Variants in ADAMTS19 observed in about 807,000 individuals in gnomAD.
The protein encoded by ADAMTS19 is A disintegrin and metalloproteinase with thrombospondin motifs 19.
A neutral mutation model predicts 153.3 loss-of-function variants in ADAMTS19; 93 were observed. The observed-to-expected ratio is 0.61, with a 90% CI of 0.51 to 0.72. The LOEUF is 0.72. Ranked by LOEUF, ADAMTS19 falls within the 30% of genes least tolerant of loss-of-function variation. The pLI is 0.00. For missense variants in ADAMTS19, 1,482 were observed against 1,552.1 expected, an observed-to-expected ratio of 0.95 and a Z score of 0.76; for synonymous variants, 600 against 556.6, an observed-to-expected ratio of 1.08 and a Z score of -1.10.
rs531326571 is a variant in ADAMTS19 at position 129,486,382 on chromosome 5, C to T, written c.748-22695C>T. ...CCAGCAGTAGATAAAAAGAATAATA[C>T]ATTATGACAAAAAAAGAGTTTATCC... On this transcript the variant is annotated intron_variant, in intron 2 of 22. Transcript: ENST00000274487. Among the ~76,000 whole-genome samples, 8 of 152,082 alleles carry T rather than the reference C, an allele frequency of 5.3e-5. No homozygotes were observed. The South Asian group carries it at 1.5e-3, about 28-fold the overall frequency.
intron 2 of ADAMTS19, among the ~76,000 whole-genome samples, chr5:129,489,247 T>A (rs1750690439): frequency 6.6e-6 from 1 of 152,158 alleles, no homozygotes; most frequent in South Asian, 2.1e-4. Context: ...TGATGAGAAC[T>A]TTTTATAGAT....
At chr5:129,602,374 C>T (rs1223145718) in intron 8 of ADAMTS19, among the ~76,000 whole-genome samples, 2 of 152,104 alleles carry the variant, frequency 1.3e-5, no homozygotes, top group African/African-American at 2.4e-5. Flanking sequence ...TACAGCACTT[C>T]GCACCCGGCC....
At chr5:129,591,283 T>A (rs2126907970) in intron 7 of ADAMTS19, among the ~76,000 whole-genome samples, 1 of 151,950 alleles carries the variant, frequency 6.6e-6, no homozygotes, top group South Asian at 2.1e-4. Flanking sequence ...AATGAGCATT[T>A]TAAAATTACA....
At chr5:129,576,319 T>C (rs953901147) in intron 7 of ADAMTS19, among the ~76,000 whole-genome samples, 1 of 152,054 alleles carries the variant, frequency 6.6e-6, no homozygotes. Context: ...TAATATTTTA[T>C]ATAAAAGCTT....
At position 129,647,941 on chromosome 5, in the gene ADAMTS19, G is replaced by A. The variant is rs201806642; in HGVS notation, c.2003+46G>A. 2.5e-6 allele frequency: 4 copies of A among 1,578,842 alleles called. No individual in the cohort carries two copies. In the African/African-American group the frequency reaches 5.4e-5, roughly 21 times the overall value. On this transcript the variant is annotated intron_variant, in intron 12 of 22. Transcript: ENST00000274487. ...TGGGGGAGGGCACTTTTCAATTTTG[G>A]AATGCAAAGGTTTTACTGATAAAGC...
At chr5:129,563,039 T>C (rs1365669392) in intron 7 of ADAMTS19, among the ~76,000 whole-genome samples, 1 of 152,166 alleles carries the variant, frequency 6.6e-6, no homozygotes. Context: ...CTAAAACATA[T>C]TTAAATAGCC....
intron 19 of ADAMTS19, among the ~76,000 whole-genome samples, chr5:129,697,096 G>T (rs964159275): frequency 6.6e-6 from 1 of 152,112 alleles, no homozygotes; most frequent in African/African-American, 2.4e-5. Context: ...TTTCTTTGAG[G>T]GCCCTGCTGT....
intron 21 of ADAMTS19, among the ~76,000 whole-genome samples, chr5:129,733,106 A>G (rs2127223470): frequency 6.6e-6 from 1 of 152,240 alleles, no homozygotes; most frequent in African/African-American, 2.4e-5. Flanking sequence ...GGATAGCCAT[A>G]TGCAGAACAA....
At chr5:129,517,499 A>G (rs1227105993) in intron 3 of ADAMTS19, among the ~76,000 whole-genome samples, 3 of 151,792 alleles carry the variant, frequency 2.0e-5, no homozygotes, top group South Asian at 2.1e-4. Flanking sequence ...TAAAATTGTT[A>G]TATCCTCTTG....
In ADAMTS19 at chr5:129,533,900, C is replaced by T. The variant is rs538507142; in HGVS notation, c.1328+5223C>T. Among the ~76,000 whole-genome samples the T allele has an allele frequency of 1.1e-4, 16 of 151,898 alleles. No individual in the cohort carries two copies. In the East Asian group the frequency reaches 2.5e-3, roughly 24 times the overall value. On this transcript the variant is annotated intron_variant, in intron 6 of 22. Transcript: ENST00000274487. Reference sequence around the variant, plus strand: ...GTTGTTCAGTTTCCATGTAGTTGAGCGGTTTTTGAGTGAGTTTCTTAATCC... The same window carrying T: ...GTTGTTCAGTTTCCATGTAGTTGAGTGGTTTTTGAGTGAGTTTCTTAATCC...
At chr5:129,522,334 T>TACAC (rs1561549642) in intron 3 of ADAMTS19, among the ~76,000 whole-genome samples, 2 of 80,278 alleles carry the variant, frequency 2.5e-5, no homozygotes, top group Non-Finnish European at 4.9e-5. Context: ...CACACACACA[T>TACAC]ATATATATAT....
chr5:129,495,746 T>C (rs940196191), intron 2 of ADAMTS19, among the ~76,000 whole-genome samples: 5 of 152,098 alleles, frequency 3.3e-5, no homozygotes, highest in African/African-American at 1.2e-4. Flanking sequence ...CTGTTTATAA[T>C]TGTCTTTCTT....
At position 129,721,324 on chromosome 5, in the gene ADAMTS19, T is replaced by C. The variant is rs551815272; in HGVS notation, c.3313-13608T>C. ...TTTAGCAACAGAGTACTTTCATGTC[T>C]TCTGTGTAGCATTTGACCCATCAAA... is the stretch of plus-strand genomic sequence containing the variant. On this transcript the variant is annotated intron_variant, in intron 21 of 22. Transcript: ENST00000274487. 3.4e-4 allele frequency among the ~76,000 whole-genome samples: 52 copies of C among 152,332 alleles called. No homozygotes were observed. The South Asian group carries it at 8.5e-3, about 25-fold the overall frequency.
chr5:129,635,801 C>T (rs575190851), intron 10 of ADAMTS19, among the ~76,000 whole-genome samples: 22 of 152,210 alleles, frequency 1.4e-4, no homozygotes, highest in African/African-American at 5.1e-4. Context: ...GGCTTACTAC[C>T]TAGGTGATGA....
At chr5:129,658,851 G>C in intron 15 of ADAMTS19, 114 bp downstream of exon 15, 1 of 1,140,020 alleles carries the variant, frequency 8.8e-7, no homozygotes, top group South Asian at 2.0e-5. Context: ...GACTTGCAAT[G>C]GGTATTAAAT....
chr5:129,598,730 A>G (rs376104960), intron 8 of ADAMTS19, among the ~76,000 whole-genome samples: 3 of 152,320 alleles, frequency 2.0e-5, no homozygotes, highest in African/African-American at 2.4e-5. Context: ...GTAATTTTCA[A>G]GTAATTGATT....
chr5:129,529,378 C>A (rs1752121904), intron 6 of ADAMTS19, among the ~76,000 whole-genome samples: 1 of 152,044 alleles, frequency 6.6e-6, no homozygotes, highest in Non-Finnish European at 1.5e-5. Flanking sequence ...GAAATGAAAT[C>A]ATTGAAATCA....
chr5:129,504,000 C>T (rs906069593), intron 2 of ADAMTS19, among the ~76,000 whole-genome samples: 1 of 152,130 alleles, frequency 6.6e-6, no homozygotes, highest in African/African-American at 2.4e-5. Context: ...CTCGGATGTA[C>T]TTTATATTGG....
At chr5:129,601,494 T>C (rs1228863714) in intron 8 of ADAMTS19, among the ~76,000 whole-genome samples, 2 of 152,180 alleles carry the variant, frequency 1.3e-5, no homozygotes, top group Non-Finnish European at 2.9e-5. Context: ...TTGCTGTGCT[T>C]TGAGGGAAGA....
Sources: gnomAD v4.1 joint callset for allele counts (sites outside exome capture counted in the v4.1 genomes callset) on GRCh38, gnomAD v4.1.1 for gene constraint, MANE v1.5 for transcripts, NCBI Gene and HGNC (gene_info 2026-07-23, HGNC 2026-07-21) for gene names.